Variants in FOXP2 observed in about 807,000 individuals in gnomAD.
FOXP2 encodes forkhead box protein P2.
Under a neutral mutation model 115.8 loss-of-function variants are expected in FOXP2, and 12 were observed. That is an observed-to-expected ratio of 0.10 (90% CI 0.07 to 0.17). The LOEUF (loss-of-function observed/expected upper bound fraction) is 0.17. Among genes scored for constraint, FOXP2 ranks in the 10% least tolerant of loss-of-function variants. The pLI, the probability that FOXP2 is intolerant of heterozygous loss-of-function variation, is 1.00. For missense variants in FOXP2, 629 were observed against 843.5 expected (o/e 0.75, Z 3.15); for synonymous variants, 328 against 297.7 (o/e 1.10, Z -1.05).
chr7:114,674,851 G>T (rs1474246514), intron 16 of FOXP2, among the ~76,000 whole-genome samples: 2 of 152,000 alleles, frequency 1.3e-5, no homozygotes, highest in African/African-American at 2.4e-5. Context: ...TAAGTAGAAT[G>T]AAATAAACAA....
intron 1 of FOXP2, among the ~76,000 whole-genome samples, chr7:114,119,909 G>A (rs1272221498): frequency 6.6e-6 from 1 of 152,072 alleles, no homozygotes; most frequent in Non-Finnish European, 1.5e-5. Flanking sequence ...AGGTCTGTGT[G>A]CAGCCTGATA....
At chr7:114,172,118 G>A (rs1014626346) in intron 1 of FOXP2, among the ~76,000 whole-genome samples, 11 of 152,084 alleles carry the variant, frequency 7.2e-5, no homozygotes, top group Admixed American at 2.0e-4. Context: ...AAGTTAAGGC[G>A]TGTACATTTT....
intron 1 of FOXP2, among the ~76,000 whole-genome samples, chr7:114,125,328 G>A (rs965457572): frequency 6.6e-6 from 1 of 152,050 alleles, no homozygotes; most frequent in Non-Finnish European, 1.5e-5. Flanking sequence ...AAGAGAAAAA[G>A]GACGTAGTTT....
chr7:114,200,099 A>G (rs1247233398), intron 1 of FOXP2, among the ~76,000 whole-genome samples: 1 of 152,208 alleles, frequency 6.6e-6, no homozygotes, highest in African/African-American at 2.4e-5. Context: ...CTGTACACAC[A>G]AAATCAGCCC....
chr7:114,294,292 A>C (rs189150537), intron 2 of FOXP2, among the ~76,000 whole-genome samples: 18 of 152,260 alleles, frequency 1.2e-4, no homozygotes, highest in East Asian at 1.2e-3. Flanking sequence ...GCTTGGAATA[A>C]ATACCCATAT....
chr7:114,550,587 A>C (rs1800160173), intron 3 of FOXP2, among the ~76,000 whole-genome samples: 2 of 152,172 alleles, frequency 1.3e-5, no homozygotes. Context: ...ATGCTAGAAC[A>C]TTGAAGTTAT....
intron 16 of FOXP2, among the ~76,000 whole-genome samples, chr7:114,679,716 C>G (rs566641120): frequency 2.7e-4 from 41 of 152,220 alleles, no homozygotes; most frequent in African/African-American, 9.9e-4. Context: ...TGTCCTCTCT[C>G]TCATCTCTGC....
At chr7:114,565,340 A>G (rs1004273567) in intron 3 of FOXP2, among the ~76,000 whole-genome samples, 2 of 152,160 alleles carry the variant, frequency 1.3e-5, no homozygotes, top group African/African-American at 4.8e-5. Flanking sequence ...GGTACTGAAA[A>G]GTGTTGACTA....
At chr7:114,645,574 A>C (rs1242570938) in intron 8 of FOXP2, 1 of 152,176 alleles carries the variant, frequency 6.6e-6, no homozygotes, top group African/African-American at 2.4e-5. Context: ...AGATAGGCTT[A>C]TGGAGATGAG....
chr7:114,686,706 A>G (rs982757733), intron 16 of FOXP2, among the ~76,000 whole-genome samples: 1 of 152,154 alleles, frequency 6.6e-6, no homozygotes. Flanking sequence ...ATATGTCTCT[A>G]TAAGGACATC....
At chr7:114,162,191 A>G (rs561206254), upstream of FOXP2, among the ~76,000 whole-genome samples, 3 of 152,272 alleles carry the variant, frequency 2.0e-5, no homozygotes, top group African/African-American at 7.2e-5. Context: ...TAAACTTATG[A>G]ATGTTCATCT....
At chr7:114,313,219 A>G (rs543984654) in intron 2 of FOXP2, among the ~76,000 whole-genome samples, 5 of 152,236 alleles carry the variant, frequency 3.3e-5, no homozygotes, top group Non-Finnish European at 5.9e-5. Context: ...CACTATGAAC[A>G]TAAGTTTATA....
chr7:114,652,372 A>G, intron 9 of FOXP2, 82 bp downstream of exon 9: 1 of 1,256,108 alleles, frequency 8.0e-7, no homozygotes, highest in Non-Finnish European at 1.1e-6. Context: ...TGGGTCTTTC[A>G]GCCTGCATTT....
chr7:114,292,934 T>A (rs1364903744), intron 2 of FOXP2, among the ~76,000 whole-genome samples: 1 of 152,230 alleles, frequency 6.6e-6, no homozygotes, highest in African/African-American at 2.4e-5. Context: ...TTATAAGTTA[T>A]TCATTCGTAT....
intron 3 of FOXP2, among the ~76,000 whole-genome samples, chr7:114,541,765 C>T (rs977687434): frequency 9.3e-5 from 14 of 151,038 alleles, no homozygotes; most frequent in Admixed American, 5.3e-4. Context: ...GCCAAATTTT[C>T]GCTTTTCTTA....
intron 1 of FOXP2, among the ~76,000 whole-genome samples, chr7:114,156,312 C>A (rs1447131884): frequency 6.6e-6 from 1 of 152,066 alleles, no homozygotes; most frequent in Non-Finnish European, 1.5e-5. Flanking sequence ...GAGAAGAGCT[C>A]TCTCCTGCTC....
intron 1 of FOXP2, among the ~76,000 whole-genome samples, chr7:114,256,173 G>C (rs1795607169): frequency 6.6e-6 from 1 of 152,096 alleles, no homozygotes. Context: ...CACAATCTTG[G>C]CTCACTGCAA....
At chr7:114,673,865 A>G (rs896281848) in intron 16 of FOXP2, among the ~76,000 whole-genome samples, 27 of 152,050 alleles carry the variant, frequency 1.8e-4, no homozygotes, top group Admixed American at 7.2e-4. Flanking sequence ...ACACCCGACT[A>G]ATTTTTTTAT....
intron 1 of FOXP2, among the ~76,000 whole-genome samples, chr7:114,192,463 T>C (rs1793786502): frequency 6.6e-6 from 1 of 152,224 alleles, no homozygotes; most frequent in African/African-American, 2.4e-5. Flanking sequence ...CTTGTGTAGG[T>C]GTTTGTGTTT....
Sources: allele counts gnomAD v4.1 joint callset (sites outside exome capture counted in the v4.1 genomes callset), GRCh38; gene constraint gnomAD v4.1.1; transcripts MANE v1.5; gene names NCBI Gene and HGNC (gene_info 2026-07-23, HGNC 2026-07-21).